The following ST6GALNAC2 variants were observed in gnomAD, a reference collection of about 807,000 sequenced individuals.
ST6GALNAC2 encodes ST6 N-acetylgalactosaminide alpha-2,6-sialyltransferase 2.
A neutral mutation model predicts 38.7 loss-of-function variants in ST6GALNAC2; 42 were observed. The observed-to-expected ratio is 1.09, with a 90% CI of 0.85 to 1.40. ST6GALNAC2 has a LOEUF of 1.40. ST6GALNAC2 is among the 40% of genes most tolerant of loss of function. The pLI is 0.00. For missense variants in ST6GALNAC2, 506 were observed against 481.7 expected (o/e 1.05, Z -0.47); for synonymous variants, 233 against 209.0 (o/e 1.11, Z -0.99).
chr17:76,569,724 G>C (rs2075331206), intron 6 of ST6GALNAC2: 1 of 282,604 alleles, frequency 3.5e-6, no homozygotes, highest in African/African-American at 2.2e-5. Context: ...GTGTCACAAA[G>C]CCCAGCTCAG....
intron 2 of ST6GALNAC2, among the ~76,000 whole-genome samples, chr17:76,576,075 T>C (rs771644646): frequency 1.3e-5 from 2 of 151,310 alleles, no homozygotes; most frequent in Non-Finnish European, 3.0e-5. Context: ...CAAGACCCCA[T>C]GTCTGCAAAA....
chr17:76,569,732 C>T, intron 6 of ST6GALNAC2: 3 of 320,756 alleles, frequency 9.4e-6, no homozygotes, highest in Non-Finnish European at 1.7e-5. Flanking sequence ...AAGCCCAGCT[C>T]AGACCAGCAG....
In ST6GALNAC2 at chr17:76,565,770, G is replaced by A. The variant is rs191927630; in HGVS notation, c.*334C>T. ...CCACCAGGAGGATTTGGGCTGGAGC[G>A]TGTGTGTTTGCCTTTGACCTGGACT... On this transcript the variant is annotated 3_prime_UTR_variant, in exon 9 of 9. Coordinates refer to ENST00000225276, the MANE Select transcript of ST6GALNAC2 (RefSeq NM_006456.3). 2.3e-4 allele frequency: 51 copies of A among 222,780 alleles called. No homozygotes were observed. Among genetic ancestry groups the A allele is most frequent in the Middle Eastern group, 1.7e-3 (1 of 600 alleles). The allele number at this position is 222,780 out of a possible 1,614,324, so 13.8% of individuals were successfully genotyped here. A position where few individuals can be genotyped will look rare whatever the true frequency, so the allele number is the denominator to read the frequency against.
At chr17:76,567,041 G>A (rs1056447976) in intron 8 of ST6GALNAC2, among the ~76,000 whole-genome samples, 1 of 152,194 alleles carries the variant, frequency 6.6e-6, no homozygotes, top group Non-Finnish European at 1.5e-5. Context: ...TAAACCTGCT[G>A]CCCTACCCCA....
At position 76,573,425 on chromosome 17, in the gene ST6GALNAC2, C is replaced by A; in HGVS notation, c.362-62G>T. On this transcript the variant is annotated intron_variant, in intron 3 of 8. Transcript: ENST00000225276. The surrounding 1 kb of genome is among the most constrained non-coding windows in gnomAD (Gnocchi z 5.1). The stretch of plus-strand genomic sequence containing the variant: ...TGGCATCGGGGGCACCTGGGGCCTT[C>A]CCTAGGCTGGTTCTGGTGCCCCATC... 1 of 1,432,756 alleles carries A rather than the reference C, an allele frequency of 7.0e-7. No homozygotes were observed. Among genetic ancestry groups the A allele is most frequent in the Non-Finnish European group, 9.2e-7 (1 of 1,089,052 alleles). 88.8% of individuals were successfully genotyped at this position (1,432,756 alleles called of 1,614,324 possible).
intron 5 of ST6GALNAC2, among the ~76,000 whole-genome samples, chr17:76,571,509 G>T (rs1254836612): frequency 7.2e-5 from 11 of 152,216 alleles, no homozygotes; most frequent in Non-Finnish European, 1.6e-4. Flanking sequence ...CAGGAGAATC[G>T]CTTGAACCCA....
rs2075380037 is a variant in ST6GALNAC2 at position 76,573,641 on chromosome 17, G to A, written c.362-278C>T. On this transcript the variant is annotated intron_variant, in intron 3 of 8. Coordinates refer to ENST00000225276, the MANE Select transcript of ST6GALNAC2 (RefSeq NM_006456.3). This position sits in a 1 kb window ranked among gnomAD's most constrained non-coding sequence, Gnocchi z 5.1. ...AGAAGTGAGCTCAGGGCTTAAAAAAGACTGGGCTGGGCACGGTGGCTCACA... is the reference window on the plus strand; with the variant it reads ...AGAAGTGAGCTCAGGGCTTAAAAAAAACTGGGCTGGGCACGGTGGCTCACA... Among the ~76,000 whole-genome samples the A allele has an allele frequency of 6.6e-6, 1 of 152,152 alleles. No homozygotes were observed. The highest frequency in any genetic ancestry group is 1.5e-5 in the Non-Finnish European group (1 of 68,032).
At chr17:76,566,869 G>A (rs1181693179) in intron 8 of ST6GALNAC2, among the ~76,000 whole-genome samples, 2 of 152,096 alleles carry the variant, frequency 1.3e-5, no homozygotes, top group African/African-American at 4.8e-5. Context: ...GTGAGTCGTG[G>A]AGAGGCATTT....
At chr17:76,574,728 G>C (rs1420653050) in intron 2 of ST6GALNAC2, among the ~76,000 whole-genome samples, 189 bp from the exon 3 acceptor site, 1 of 151,658 alleles carries the variant, frequency 6.6e-6, no homozygotes, top group Non-Finnish European at 1.5e-5. Flanking sequence ...CCAGGCTGGA[G>C]TGCAGTGGCC....
Position 76,574,356 on chromosome 17 carries a change from G to A in ST6GALNAC2, c.361+9C>T, listed in dbSNP as rs185807026. 1,055 of 1,609,200 alleles carry A rather than the reference G, an allele frequency of 6.6e-4. No individual in the cohort carries two copies. The highest frequency in any genetic ancestry group is 1.9e-3 in the Admixed American group (116 of 59,716). On this transcript the variant is annotated intron_variant, in intron 3 of 8. Transcript: ENST00000225276. ...AGAAGGCAGGTGAGAGACAGCGGGC[G>A]CGGGTTACCTTGGTGAGAGAGCCCC...
rs2075450753 is a variant in ST6GALNAC2 at position 76,579,281 on chromosome 17, GT to G, written c.126-466del. The stretch of plus-strand genomic sequence containing the variant: ...ACACAGGATACTGTCACTTTCTTAT[GT>G]TTTGCCTCACTGTGTAAACTCAAAG... On this transcript the variant is annotated intron_variant, in intron 1 of 8. Coordinates refer to ENST00000225276, the MANE Select transcript of ST6GALNAC2 (RefSeq NM_006456.3). 3.9e-5 allele frequency among the ~76,000 whole-genome samples: 6 copies of G among 152,312 alleles called. No individual in the cohort carries two copies. The South Asian group carries it at 1.2e-3, about 32-fold the overall frequency.
Position 76,573,259 on chromosome 17 carries a change from T to C in ST6GALNAC2, c.466A>G (p.Asn156Asp). The C allele has an allele frequency of 6.2e-7, 1 of 1,613,040 alleles. No individual in the cohort carries two copies. The highest frequency in any genetic ancestry group is 8.5e-7 in the Non-Finnish European group (1 of 1,179,634). Residue 156 changes from asparagine (N) to aspartate (D), a missense_variant, in exon 4 of 9, where the codon AAC becomes GAC. Coordinates refer to ENST00000225276, the MANE Select transcript of ST6GALNAC2 (RefSeq NM_006456.3). The surrounding 1 kb of genome is among the most constrained non-coding windows in gnomAD (Gnocchi z 5.1). ...CGGGACCCATTCAGAATGCCTCCGT[T>C]GCCCACCACGGCACACCGGATACAC... ...PKCIRCAVVG[N>D]GGILNGSRQG...
chr17:76,575,993 C>T (rs956339751), intron 2 of ST6GALNAC2, among the ~76,000 whole-genome samples: 9 of 152,200 alleles, frequency 5.9e-5, no homozygotes, highest in African/African-American at 2.2e-4. Flanking sequence ...CCTCTAATGC[C>T]AGCGCTTTGG....
chr17:76,568,825 C>T (rs765463103), intron 6 of ST6GALNAC2, 29 bp from the exon 7 acceptor site: 29 of 1,609,384 alleles, frequency 1.8e-5, no homozygotes, highest in East Asian at 4.5e-5. Flanking sequence ...GTGGACAGAG[C>T]GCCCAGAGCC....
intron 1 of ST6GALNAC2, 184 bp from the exon 2 acceptor site, chr17:76,579,000 A>G (rs184507677): frequency 2.2e-5 from 9 of 415,666 alleles, no homozygotes; most frequent in Non-Finnish European, 3.1e-5. Flanking sequence ...GCTCACTGCA[A>G]CCTCTGCCTC....
At chr17:76,568,333 C>G (rs371082622) in intron 7 of ST6GALNAC2, 3 of 248,894 alleles carry the variant, frequency 1.2e-5, no homozygotes, top group African/African-American at 6.7e-5. Context: ...GGGGTTGAGG[C>G]TGGTCCCCGG....
At chr17:76,568,341 C>T (rs143423385) in intron 7 of ST6GALNAC2, 65 of 259,142 alleles carry the variant, frequency 2.5e-4, no homozygotes, top group African/African-American at 1.1e-3. Flanking sequence ...GGCTGGTCCC[C>T]GGGTTCCTTC....
At chr17:76,582,645 G>A (rs527487906) in intron 1 of ST6GALNAC2, among the ~76,000 whole-genome samples, 21 of 152,302 alleles carry the variant, frequency 1.4e-4, no homozygotes, top group Admixed American at 1.2e-3. Context: ...ATGAGGAAAT[G>A]CCCAGACTGG....
intron 7 of ST6GALNAC2, chr17:76,568,424 T>G: frequency 5.1e-6 from 2 of 394,952 alleles, no homozygotes; most frequent in South Asian, 3.6e-5. Flanking sequence ...ACTGCTGCTG[T>G]GCACCTTATG....
Sources: gnomAD v4.1 joint callset for allele counts (sites outside exome capture counted in the v4.1 genomes callset) on GRCh38, gnomAD v4.1.1 for gene constraint, Gnocchi (gnomAD v3.1) non-coding constraint, MANE v1.5 for transcripts, NCBI Gene and HGNC (gene_info 2026-07-23, HGNC 2026-07-21) for gene names.